UGT1A6: variants seen among roughly 807,000 people sequenced by gnomAD.
UGT1A6 encodes the protein UDP glucuronosyltransferase family 1 member A6, also known as UDP-glucuronosyltransferase 1A6.
Under a neutral mutation model 44.4 loss-of-function variants are expected in UGT1A6, and 32 were observed. The observed-to-expected ratio is 0.72, with a 90% CI of 0.54 to 0.97. The LOEUF (loss-of-function observed/expected upper bound fraction) is 0.97. Among genes scored for constraint, UGT1A6 ranks in the 50% least tolerant of loss-of-function variants. The pLI is 0.00. For missense variants in UGT1A6, 685 were observed against 661.9 expected, an observed-to-expected ratio of 1.03 and a Z score of -0.38; for synonymous variants, 238 against 248.5, an observed-to-expected ratio of 0.96 and a Z score of 0.40.
At chr2:233,737,894 G>A (rs1690620451) in intron 1 of UGT1A6, among the ~76,000 whole-genome samples, 1 of 151,986 alleles carries the variant, frequency 6.6e-6, no homozygotes, top group Non-Finnish European at 1.5e-5. Context: ...GCTAATTTTC[G>A]AGTGTGGTAA....
In UGT1A6 at chr2:233,729,557, C is replaced by T. The variant is rs13406898; in HGVS notation, c.861+35692C>T. On this transcript the variant is annotated intron_variant, in intron 1 of 4. Transcript: ENST00000305139. ...GCCCTGATCAGGCACCTGAATGCTA[C>T]TTCCTTTGATGTGGTTTTAACAGAC... is the stretch of plus-strand genomic sequence containing the variant. The T allele has an allele frequency of 1.3e-3, 2,173 of 1,614,146 alleles. 29 individuals carry two copies. The African/African-American group carries it at 0.026, about 19-fold the overall frequency.
At position 233,772,345 on chromosome 2, in the gene UGT1A6, A is replaced by G. The variant is rs72551358; in HGVS notation, c.1385A>G (p.Glu462Gly). 4 of 1,614,196 alleles carry G rather than the reference A, an allele frequency of 2.5e-6. No homozygotes were observed. The highest frequency in any genetic ancestry group is 3.4e-6 in the Non-Finnish European group (4 of 1,180,040). The change falls in exon 5 of 5, where the codon GAG becomes GGG. Residue 462 changes from glutamate (E) to glycine (G), a missense_variant. Glu to Gly is a moderately conservative substitution (Grantham distance 98, BLOSUM62 -2). Transcript: ENST00000305139. ...CTGGACCTGGCCGTGTTCTGGGTGG[A>G]GTTTGTGATGAGGCACAAGGGCGCG... The part of the protein sequence containing the change: ...EPLDLAVFWV[E>G]FVMRHKGAPH...
chr2:233,744,157 C>T (rs1692711492), intron 1 of UGT1A6: 1 of 298,558 alleles, frequency 3.3e-6, no homozygotes, highest in Non-Finnish European at 6.5e-6. Flanking sequence ...AGACCAGGCC[C>T]CGCCCACTCC....
At chr2:233,754,470 A>G in intron 1 of UGT1A6, 2 of 357,144 alleles carry the variant, frequency 5.6e-6, no homozygotes, top group South Asian at 2.2e-5. Context: ...TTCTGAAAGT[A>G]AAGTTCACTT....
intron 1 of UGT1A6, among the ~76,000 whole-genome samples, chr2:233,746,718 T>C (rs1161016418): frequency 6.6e-6 from 1 of 151,822 alleles, no homozygotes; most frequent in Non-Finnish European, 1.5e-5. Flanking sequence ...ATAAGGGAAT[T>C]AGCAATGGAT....
At chr2:233,728,727 T>C (rs1208956331) in intron 1 of UGT1A6, among the ~76,000 whole-genome samples, 1 of 152,204 alleles carries the variant, frequency 6.6e-6, no homozygotes, top group Non-Finnish European at 1.5e-5. Flanking sequence ...AGAGAGCATA[T>C]GACTGGGGGC....
chr2:233,765,712 T>A (rs1046504378), intron 1 of UGT1A6, among the ~76,000 whole-genome samples: 5 of 111,216 alleles, frequency 4.5e-5, no homozygotes, highest in Non-Finnish European at 8.4e-5. Context: ...TAATAATAAT[T>A]AATAATAATA....
intron 1 of UGT1A6, chr2:233,729,470 CAATGTTGAACA>C: frequency 6.2e-7 from 1 of 1,614,122 alleles, no homozygotes; most frequent in African/African-American, 1.3e-5. Context: ...AGAAGTATGG[CAATGTTGAACA>C]ATATGTCTTT....
chr2:233,760,333 C>T (rs1559406714), intron 1 of UGT1A6: 2 of 1,614,052 alleles, frequency 1.2e-6, no homozygotes, highest in East Asian at 4.5e-5. Flanking sequence ...CCTGGGCCTG[C>T]TGCTGTGTGT....
chr2:233,725,667 A>G (rs756322842), intron 1 of UGT1A6, among the ~76,000 whole-genome samples: 6 of 152,188 alleles, frequency 3.9e-5, no homozygotes, highest in Non-Finnish European at 8.8e-5. Context: ...AATTTGGAAT[A>G]GTCACATTTC....
At chr2:233,746,512 G>C (rs992094720) in intron 1 of UGT1A6, among the ~76,000 whole-genome samples, 1 of 151,736 alleles carries the variant, frequency 6.6e-6, no homozygotes, top group Non-Finnish European at 1.5e-5. Context: ...AGCCCCCAAA[G>C]CAAGACCATC....
chr2:233,772,614 C>A lies in UGT1A6; in HGVS notation c.*55C>A, dbSNP rs1700539224. On this transcript the variant is annotated 3_prime_UTR_variant, in exon 5 of 5. Transcript: ENST00000305139. ...GAACCATTCCCTAGTCATTTCCAAA[C>A]TTGAAAACAGAATCAGTGTTAAATT... The A allele has an allele frequency of 3.2e-6, 5 of 1,575,710 alleles. No homozygotes were observed. The highest frequency in any genetic ancestry group is 4.3e-6 in the Non-Finnish European group (5 of 1,159,842).
chr2:233,747,584 T>G (rs1693721296), intron 1 of UGT1A6: 1 of 1,580,584 alleles, frequency 6.3e-7, no homozygotes, highest in African/African-American at 1.4e-5. Context: ...CTTTGGTCTT[T>G]CATAGGTCTT....
rs1427279208 is a variant in UGT1A6 at position 233,769,059 on chromosome 2, C to T, written c.1301+620C>T. Among the ~76,000 whole-genome samples, 3 of 152,006 alleles carry T rather than the reference C, an allele frequency of 2.0e-5. No individual in the cohort carries two copies. Among genetic ancestry groups the T allele is most frequent in the African/African-American group, 4.8e-5 (2 of 41,348 alleles). ...ACATCTGATCCATAAGTTTCCTGCA[C>T]AGAAAGAAATACTCCATTATAAGAA... is the stretch of plus-strand genomic sequence containing the variant. On this transcript the variant is annotated intron_variant, in intron 4 of 4. Transcript: ENST00000305139. The surrounding 1 kb of genome is among the most constrained non-coding windows in gnomAD (Gnocchi z 4.4).
chr2:233,744,616 T>C (rs1359252555), intron 1 of UGT1A6, among the ~76,000 whole-genome samples: 1 of 151,926 alleles, frequency 6.6e-6, no homozygotes, highest in Non-Finnish European at 1.5e-5. Context: ...CTTGGCTCTA[T>C]AGAGAGGTGG....
chr2:233,768,873 C>T (rs952377610), intron 4 of UGT1A6, among the ~76,000 whole-genome samples: 1 of 151,950 alleles, frequency 6.6e-6, no homozygotes, highest in African/African-American at 2.4e-5. Flanking sequence ...CATGAGCCAG[C>T]GCGTCTGACC....
At chr2:233,698,599 A>G (rs1335683443) in intron 1 of UGT1A6, among the ~76,000 whole-genome samples, 2 of 152,236 alleles carry the variant, frequency 1.3e-5, no homozygotes, top group African/African-American at 2.4e-5. Flanking sequence ...AGAAATTCGG[A>G]TTAATAAACA....
chr2:233,755,346 G>A (rs1313684064), intron 1 of UGT1A6: 3 of 411,522 alleles, frequency 7.3e-6, no homozygotes, highest in African/African-American at 6.3e-5. Context: ...CAGGTCAGAG[G>A]CTTGGCGACC....
chr2:233,755,408 A>G (rs886813938), intron 1 of UGT1A6: 6 of 332,530 alleles, frequency 1.8e-5, no homozygotes, highest in Non-Finnish European at 2.9e-5. Flanking sequence ...TCATTGGCCG[A>G]GGCCTGTGAG....
Sources: gnomAD v4.1 joint callset for allele counts (sites outside exome capture counted in the v4.1 genomes callset) on GRCh38, gnomAD v4.1.1 for gene constraint, Gnocchi (gnomAD v3.1) non-coding constraint, MANE v1.5 for transcripts, NCBI Gene and HGNC (gene_info 2026-07-23, HGNC 2026-07-21) for gene names.